Variants in SCUBE1 observed in about 807,000 individuals in gnomAD.
SCUBE1 encodes signal peptide, CUB and EGF-like domain-containing protein 1.
SCUBE1 carries 59 observed loss-of-function variants against 124.4 expected under a neutral mutation model. That is an observed-to-expected ratio of 0.47 (90% CI 0.38 to 0.59). The LOEUF (loss-of-function observed/expected upper bound fraction) is 0.59. SCUBE1 is among the 20% of genes least tolerant of loss of function. SCUBE1 has a pLI of 0.00. For missense variants in SCUBE1, 1,150 were observed against 1,371.2 expected (o/e 0.84, Z 2.55); for synonymous variants, 545 against 550.9 (o/e 0.99, Z 0.15).
In SCUBE1 at chr22:43,309,430, C is replaced by A. The variant is rs138344198; in HGVS notation, c.349+10507G>T. Among the ~76,000 whole-genome samples the A allele has an allele frequency of 2.5e-3, 384 of 152,236 alleles. 7 individuals are homozygous for A. The South Asian group carries it at 0.058, about 23-fold the overall frequency. ...GCCAGGCAGATCGATTTCTGATGCTCCTTGAGGGCCCGAAATAAGGCCATA... is the reference window on the plus strand; with the variant it reads ...GCCAGGCAGATCGATTTCTGATGCTACTTGAGGGCCCGAAATAAGGCCATA... On this transcript the variant is annotated intron_variant, in intron 3 of 21. Coordinates refer to ENST00000360835, the MANE Select transcript of SCUBE1 (RefSeq NM_173050.5).
At chr22:43,267,102 T>C (rs1034459931) in intron 4 of SCUBE1, among the ~76,000 whole-genome samples, 1 of 152,218 alleles carries the variant, frequency 6.6e-6, no homozygotes, top group Non-Finnish European at 1.5e-5. Context: ...AGCACTCCTA[T>C]CTGCCCTTGC....
At position 43,255,969 on chromosome 22, in the gene SCUBE1, C is replaced by T. The variant is rs866991490; in HGVS notation, c.727+2250G>A. ...TTACGGAGACACAAGTGATTACAGACCCCCGTGGCTCAGGCTGGAGAGGCA... is the reference window on the plus strand; with the variant it reads ...TTACGGAGACACAAGTGATTACAGATCCCCGTGGCTCAGGCTGGAGAGGCA... On this transcript the variant is annotated intron_variant, in intron 6 of 21. Transcript: ENST00000360835. This position sits in a 1 kb window ranked among gnomAD's most constrained non-coding sequence, Gnocchi z 4.7. 3.1e-4 allele frequency among the ~76,000 whole-genome samples: 47 copies of T among 152,258 alleles called. No individual in the cohort carries two copies. The highest frequency in any genetic ancestry group is 2.7e-3 in the Admixed American group (41 of 15,302).
chr22:43,227,041 C>T (rs1922347004), intron 10 of SCUBE1, among the ~76,000 whole-genome samples: 1 of 152,160 alleles, frequency 6.6e-6, no homozygotes, highest in Admixed American at 6.5e-5. Flanking sequence ...CTCTAAGCTT[C>T]CAGCTCTATG....
rs1923633384 is a variant in SCUBE1 at position 43,255,692 on chromosome 22, G to A, written c.727+2527C>T. 3.5e-6 allele frequency: 3 copies of A among 855,040 alleles called. No homozygotes were observed. The highest frequency in any genetic ancestry group is 3.3e-5 in the African/African-American group (2 of 59,834). 53.0% of individuals were successfully genotyped at this position (855,040 alleles called of 1,614,324 possible). On this transcript the variant is annotated intron_variant, in intron 6 of 21. Coordinates refer to ENST00000360835, the MANE Select transcript of SCUBE1 (RefSeq NM_173050.5). This position sits in a 1 kb window ranked among gnomAD's most constrained non-coding sequence, Gnocchi z 4.7. ...GCACGCAAAGCCAACACAACACGCC[G>A]GCCAGCTCGGCATCCTCGCCAAGGG... is the stretch of plus-strand genomic sequence containing the variant.
intron 2 of SCUBE1, among the ~76,000 whole-genome samples, chr22:43,338,457 C>A (rs1320101420): frequency 6.6e-6 from 1 of 152,184 alleles, no homozygotes; most frequent in Non-Finnish European, 1.5e-5. Flanking sequence ...TTGCACTCCA[C>A]CCCCATATAG....
chr22:43,334,234 C>T (rs1380487193), intron 2 of SCUBE1, among the ~76,000 whole-genome samples: 1 of 152,182 alleles, frequency 6.6e-6, no homozygotes. Flanking sequence ...TATTTGCCAT[C>T]CCCGAAGTAG....
At chr22:43,212,661 A>C in intron 16 of SCUBE1, 69 bp from the exon 17 acceptor site, 4 of 1,433,928 alleles carry the variant, frequency 2.8e-6, no homozygotes, top group Non-Finnish European at 2.8e-6. Flanking sequence ...GGGTGGTCTC[A>C]GGCCCCGCTC....
intron 4 of SCUBE1, among the ~76,000 whole-genome samples, chr22:43,266,379 G>C (rs1924065693): frequency 6.6e-6 from 1 of 152,072 alleles, no homozygotes; most frequent in Non-Finnish European, 1.5e-5. Flanking sequence ...CTGGCCTGGG[G>C]GCTGACTGTG....
At chr22:43,266,757 A>G (rs933737111) in intron 4 of SCUBE1, among the ~76,000 whole-genome samples, 4 of 152,116 alleles carry the variant, frequency 2.6e-5, no homozygotes, top group Admixed American at 2.6e-4. Context: ...AGAGTGGGCG[A>G]CTACACGGTG....
chr22:43,238,043 G>A (rs770351116), intron 7 of SCUBE1: 1 of 152,554 alleles, frequency 6.6e-6, no homozygotes, highest in Non-Finnish European at 1.5e-5. Context: ...CTCATCTGCA[G>A]GGCTGTCTCG....
chr22:43,254,236 G>A (rs553477772), intron 6 of SCUBE1, among the ~76,000 whole-genome samples: 19 of 152,312 alleles, frequency 1.2e-4, no homozygotes, highest in Middle Eastern at 3.4e-3. Flanking sequence ...CTTCTCATCC[G>A]AGAAAGAGGG....
intron 3 of SCUBE1, 113 bp from the exon 4 acceptor site, chr22:43,291,293 G>GGCCCTCTCT: frequency 1.6e-6 from 2 of 1,219,470 alleles, no homozygotes; most frequent in Non-Finnish European, 2.3e-6. Flanking sequence ...CCTGAAGGGA[G>GGCCCTCTCT]GGACTCCAGA....
chr22:43,217,562 C>T (rs1438003051), intron 15 of SCUBE1, among the ~76,000 whole-genome samples: 6 of 152,318 alleles, frequency 3.9e-5, no homozygotes, highest in Non-Finnish European at 7.3e-5. Flanking sequence ...TGCGTCCTTG[C>T]TCTAAGCATT....
intron 5 of SCUBE1, among the ~76,000 whole-genome samples, chr22:43,261,693 C>T (rs1923876423): frequency 6.6e-6 from 1 of 152,210 alleles, no homozygotes; most frequent in South Asian, 2.1e-4. Context: ...TGAGGACCAC[C>T]TTCTCTATTG....
At chr22:43,339,675 C>CACTCTATCCCCTACTCTCCTT (rs1927213973) in intron 1 of SCUBE1, among the ~76,000 whole-genome samples, 4 of 99,550 alleles carry the variant, frequency 4.0e-5, no homozygotes, top group Admixed American at 3.2e-4. Flanking sequence ...CCATTCTCCT[C>CACTCTATCCCCTACTCTCCTT]ACTCTATCCC....
chr22:43,238,351 T>G, intron 7 of SCUBE1: 1 of 243,958 alleles, frequency 4.1e-6, no homozygotes, highest in Admixed American at 5.3e-5. Flanking sequence ...TGACACACTG[T>G]CCTTATTTTT....
chr22:43,334,618 T>A (rs1350052467), intron 2 of SCUBE1, among the ~76,000 whole-genome samples: 1 of 135,520 alleles, frequency 7.4e-6, no homozygotes, highest in Non-Finnish European at 1.7e-5. Flanking sequence ...AACATTATCA[T>A]CACCACCATC....
chr22:43,208,001 C>T (rs769283494), intron 20 of SCUBE1, 71 bp downstream of exon 20: 67 of 1,549,378 alleles, frequency 4.3e-5, no homozygotes, highest in South Asian at 3.3e-4. Context: ...CGGGGACGTG[C>T]GACTCATCTC....
chr22:43,222,020 C>T (rs1401334851), intron 12 of SCUBE1, among the ~76,000 whole-genome samples: 2 of 152,140 alleles, frequency 1.3e-5, no homozygotes, highest in African/African-American at 2.4e-5. Flanking sequence ...GCCGAGATCA[C>T]GCCACTGCAC....
Sources: allele counts gnomAD v4.1 joint callset (sites outside exome capture counted in the v4.1 genomes callset), GRCh38; gene constraint gnomAD v4.1.1; non-coding constraint Gnocchi (gnomAD v3.1); transcripts MANE v1.5; gene names NCBI Gene and HGNC (gene_info 2026-07-23, HGNC 2026-07-21).